NRG4: variants seen among roughly 807,000 people sequenced by gnomAD.
NRG4 encodes the protein pro-neuregulin-4, membrane-bound isoform.
In NRG4, 10 loss-of-function variants were observed where a neutral mutation model predicts 15.0. That is an observed-to-expected ratio of 0.67 (90% CI 0.41 to 1.13). NRG4 has a LOEUF of 1.13. Ranked by LOEUF, NRG4 falls within the 50% of genes most tolerant of loss-of-function variation. The pLI is 0.00. For synonymous variants in NRG4, 41 were observed against 50.1 expected, an observed-to-expected ratio of 0.82 and a Z score of 0.77; for missense variants, 139 against 140.2, an observed-to-expected ratio of 0.99 and a Z score of 0.04.
chr15:76,035,609 C>A (rs918979606), intron 5 of NRG4, among the ~76,000 whole-genome samples: 16 of 151,974 alleles, frequency 1.1e-4, no homozygotes, highest in Admixed American at 1.0e-3. Context: ...TATAGAAATA[C>A]ATTTTAGGTA....
At chr15:76,004,302 T>A (rs1021977671) in intron 3 of NRG4, among the ~76,000 whole-genome samples, 1 of 151,580 alleles carries the variant, frequency 6.6e-6, no homozygotes, top group Non-Finnish European at 1.5e-5. Flanking sequence ...AGAAAGGAAT[T>A]TAAACATTTT....
chr15:75,948,524 C>G (rs910417421), intron 5 of NRG4, among the ~76,000 whole-genome samples: 14 of 152,022 alleles, frequency 9.2e-5, no homozygotes, highest in Non-Finnish European at 1.5e-4. Flanking sequence ...TGGTCTCGAA[C>G]TCCTGACCTC....
At chr15:76,013,284 A>C (rs950849636), upstream of NRG4, among the ~76,000 whole-genome samples, 7 of 151,982 alleles carry the variant, frequency 4.6e-5, no homozygotes, top group Non-Finnish European at 7.4e-5. Flanking sequence ...CTGAGATTGC[A>C]CCACTGCACT....
chr15:76,007,102 T>C (rs1302610863), intron 3 of NRG4, among the ~76,000 whole-genome samples: 30 of 151,854 alleles, frequency 2.0e-4, no homozygotes, highest in Non-Finnish European at 1.5e-5. Context: ...AAAACAGAAA[T>C]GTATTTGAAA....
intron 5 of NRG4, among the ~76,000 whole-genome samples, chr15:75,954,431 CTTTT>C (rs35801035): frequency 3.8e-5 from 5 of 131,570 alleles, no homozygotes; most frequent in Non-Finnish European, 6.6e-5. Flanking sequence ...ATTTCAATTT[CTTTT>C]TTTTTTTTTT....
At chr15:76,052,324 G>A (rs1261526702) in intron 3 of NRG4, 1 of 151,094 alleles carries the variant, frequency 6.6e-6, no homozygotes, top group East Asian at 1.9e-4. Context: ...GTAAGAAGCA[G>A]AAGTTTCACT....
At chr15:75,992,686 C>T (rs1039037241) in intron 3 of NRG4, among the ~76,000 whole-genome samples, 7 of 152,066 alleles carry the variant, frequency 4.6e-5, no homozygotes, top group African/African-American at 1.7e-4. Context: ...TACTTTCTAT[C>T]TCTATAAATT....
chr15:76,024,251 C>T (rs762968086), intron 5 of NRG4, among the ~76,000 whole-genome samples: 17 of 152,216 alleles, frequency 1.1e-4, no homozygotes, highest in Non-Finnish European at 1.9e-4. Flanking sequence ...TGAGAAATAG[C>T]CCTGGGGGCT....
intron 3 of NRG4, among the ~76,000 whole-genome samples, chr15:75,996,674 C>T (rs187197040): frequency 1.2e-3 from 179 of 152,102 alleles, no homozygotes; most frequent in African/African-American, 4.0e-3. Context: ...TTAGATCATT[C>T]GTCTACATAA....
chr15:75,961,113 A>G (rs1474054674), intron 4 of NRG4, among the ~76,000 whole-genome samples: 1 of 152,202 alleles, frequency 6.6e-6, no homozygotes, highest in African/African-American at 2.4e-5. Flanking sequence ...AGTATCTATG[A>G]TAGAATACAG....
At chr15:76,042,119 T>C (rs1381728588) in intron 4 of NRG4, among the ~76,000 whole-genome samples, 1 of 151,686 alleles carries the variant, frequency 6.6e-6, no homozygotes, top group Non-Finnish European at 1.5e-5. Flanking sequence ...AACTGAAACA[T>C]TTACTGAAAC....
intron 5 of NRG4, among the ~76,000 whole-genome samples, chr15:76,029,875 C>T (rs1269499649): frequency 2.0e-5 from 3 of 152,108 alleles, no homozygotes; most frequent in African/African-American, 4.8e-5. Context: ...TCAATGCAAT[C>T]CCTATCAAAA....
intron 5 of NRG4, among the ~76,000 whole-genome samples, chr15:76,028,133 C>G (rs1210421456): frequency 6.6e-6 from 1 of 151,250 alleles, no homozygotes; most frequent in Non-Finnish European, 1.5e-5. Flanking sequence ...AGAAAAAAAT[C>G]AAACTCAAAA....
chr15:76,014,646 A>G (rs1187474933), upstream of NRG4, among the ~76,000 whole-genome samples: 4 of 152,126 alleles, frequency 2.6e-5, no homozygotes, highest in African/African-American at 9.7e-5. Context: ...CAAAGATCAG[A>G]TGGTTGTAGA....
chr15:75,950,031 G>A (rs575284508), intron 5 of NRG4, among the ~76,000 whole-genome samples: 2 of 152,272 alleles, frequency 1.3e-5, no homozygotes, highest in South Asian at 2.1e-4. Context: ...TTTTGTCTGG[G>A]ATAGCACTGC....
At chr15:76,011,577 T>A (rs1196860641) in intron 1 of NRG4, among the ~76,000 whole-genome samples, 1 of 152,202 alleles carries the variant, frequency 6.6e-6, no homozygotes, top group African/African-American at 2.4e-5. Context: ...AAGGCTTTTT[T>A]TCGTAAACAT....
chr15:75,985,879 A>G (rs2033782732), intron 3 of NRG4, among the ~76,000 whole-genome samples: 1 of 152,234 alleles, frequency 6.6e-6, no homozygotes, highest in Admixed American at 6.5e-5. Context: ...CTAGAAGAGA[A>G]TGTTTGCAAC....
At chr15:75,995,831 G>A (rs1298465011) in intron 3 of NRG4, among the ~76,000 whole-genome samples, 2 of 152,176 alleles carry the variant, frequency 1.3e-5, no homozygotes, top group Non-Finnish European at 2.9e-5. Flanking sequence ...AGAAAGGAGA[G>A]GCACAGAGGC....
chr15:75,949,879 T>G (rs1200540141), intron 5 of NRG4, among the ~76,000 whole-genome samples: 1 of 152,246 alleles, frequency 6.6e-6, no homozygotes, highest in Non-Finnish European at 1.5e-5. Context: ...CAAAAATCAA[T>G]TGTGGTCTAT....
Sources: gnomAD v4.1 joint callset for allele counts (sites outside exome capture counted in the v4.1 genomes callset) on GRCh38, gnomAD v4.1.1 for gene constraint, MANE v1.5 for transcripts, NCBI Gene and HGNC (gene_info 2026-07-23, HGNC 2026-07-21) for gene names.